Variants in FAXDC2 observed in about 807,000 individuals in gnomAD.
FAXDC2 encodes fatty acid hydroxylase domain-containing protein 2.
In FAXDC2, 41 loss-of-function variants were observed where a neutral mutation model predicts 40.9. That is an observed-to-expected ratio of 1.00 (90% CI 0.78 to 1.30). FAXDC2 has a LOEUF of 1.30. Among genes scored for constraint, FAXDC2 ranks in the 50% most tolerant of loss-of-function variants. The pLI is 0.00. For missense variants in FAXDC2, 390 were observed against 408.8 expected, an observed-to-expected ratio of 0.95 and a Z score of 0.40; for synonymous variants, 157 against 149.3, an observed-to-expected ratio of 1.05 and a Z score of -0.38.
chr5:154,841,362 G>T (rs915983535), intron 1 of FAXDC2, among the ~76,000 whole-genome samples: 3 of 152,122 alleles, frequency 2.0e-5, no homozygotes, highest in Admixed American at 6.5e-5. Flanking sequence ...TTCACTCCAG[G>T]TTCTGATACT....
intron 1 of FAXDC2, among the ~76,000 whole-genome samples, chr5:154,846,268 TAGTGTGTG>T (rs1199122014): frequency 5.2e-4 from 62 of 118,284 alleles, no homozygotes; most frequent in African/African-American, 1.9e-3. Context: ...GTGAACTAGA[TAGTGTGTG>T]TGTGTGTGTG....
intron 5 of FAXDC2, chr5:154,824,005 C>A: frequency 4.3e-6 from 1 of 234,888 alleles, no homozygotes; most frequent in Non-Finnish European, 8.4e-6. Flanking sequence ...ATCAGAGAAC[C>A]TTGTTCATGA....
At chr5:154,830,425 C>T (rs1474581604) in intron 5 of FAXDC2, 2 of 182,472 alleles carry the variant, frequency 1.1e-5, no homozygotes, top group African/African-American at 4.6e-5. Flanking sequence ...CAGCTGTCTC[C>T]CTCTCTCATA....
At chr5:154,826,249 C>T (rs937413466) in intron 5 of FAXDC2, among the ~76,000 whole-genome samples, 88 of 151,908 alleles carry the variant, frequency 5.8e-4, no homozygotes, top group Non-Finnish European at 3.8e-4. Flanking sequence ...GATGGGGAGC[C>T]GGGCGCGGTG....
intron 1 of FAXDC2, among the ~76,000 whole-genome samples, chr5:154,848,020 T>C (rs1760641890): frequency 1.3e-5 from 2 of 151,990 alleles, no homozygotes; most frequent in Admixed American, 6.6e-5. Context: ...TTTGTATTTT[T>C]AGTAGAGACA....
At chr5:154,824,027 G>A (rs544207938) in intron 5 of FAXDC2, 26 of 226,578 alleles carry the variant, frequency 1.1e-4, no homozygotes, top group African/African-American at 5.6e-4. Context: ...TGGATGCAGA[G>A]ATCAAGATCA....
intron 5 of FAXDC2, among the ~76,000 whole-genome samples, chr5:154,827,816 A>C (rs1215631490): frequency 6.6e-6 from 1 of 151,904 alleles, no homozygotes; most frequent in Admixed American, 6.6e-5. Context: ...ACAAAGTGGT[A>C]GGATTACAGG....
Position 154,818,583 on chromosome 5 carries a change from T to C in FAXDC2, c.*1733A>G, listed in dbSNP as rs992036603. ...TTCAGCCTTAACTTGTATACCAACC[T>C]CAAGGATTTTGTTTGATACAGAAAA... On this transcript the variant is annotated 3_prime_UTR_variant, in exon 9 of 9. Coordinates refer to ENST00000326080, the MANE Select transcript of FAXDC2 (RefSeq NM_032385.5). 4 of 152,200 alleles carry C rather than the reference T, an allele frequency of 2.6e-5. No individual in the cohort carries two copies. The highest frequency in any genetic ancestry group is 9.6e-5 in the African/African-American group (4 of 41,452). 9.4% of individuals were successfully genotyped at this position (152,200 alleles called of 1,614,324 possible). A position where few individuals can be genotyped will look rare whatever the true frequency, so the allele number is the denominator to read the frequency against.
chr5:154,846,269 AGTGTGTGTGTGTGT>A (rs10674936), intron 1 of FAXDC2, among the ~76,000 whole-genome samples: 5 of 147,346 alleles, frequency 3.4e-5, no homozygotes, highest in Non-Finnish European at 6.0e-5. Flanking sequence ...TGAACTAGAT[AGTGTGTGTGTGTGT>A]GTGTGTGTGT....
intron 5 of FAXDC2, among the ~76,000 whole-genome samples, chr5:154,828,293 T>G (rs1342834286): frequency 2.0e-5 from 3 of 151,762 alleles, no homozygotes; most frequent in Non-Finnish European, 4.4e-5. Flanking sequence ...CTTGGTGGGG[T>G]TTTTTTTGTT....
At chr5:154,827,308 A>G (rs892532153) in intron 5 of FAXDC2, among the ~76,000 whole-genome samples, 5 of 151,236 alleles carry the variant, frequency 3.3e-5, no homozygotes, top group African/African-American at 9.7e-5. Flanking sequence ...ACTGTCTCAA[A>G]AAAAAAAAAA....
chr5:154,824,949 G>A (rs1759984350), intron 5 of FAXDC2, among the ~76,000 whole-genome samples: 1 of 151,572 alleles, frequency 6.6e-6, no homozygotes, highest in Admixed American at 6.6e-5. Flanking sequence ...TGGATGTGGT[G>A]GTGTGCACCT....
chr5:154,838,236 T>C, intron 1 of FAXDC2, 58 bp from the exon 2 acceptor site: 1 of 1,555,196 alleles, frequency 6.4e-7, no homozygotes, highest in Non-Finnish European at 8.8e-7. Context: ...TCTAAGGAAG[T>C]AGGGAGTGGA....
At chr5:154,825,526 G>A (rs368671951) in intron 5 of FAXDC2, among the ~76,000 whole-genome samples, 1 of 147,540 alleles carries the variant, frequency 6.8e-6, no homozygotes, top group South Asian at 2.1e-4. Context: ...GCATGGTAGT[G>A]TGCGCCTGTA....
chr5:154,822,728 C>A (rs878934932), intron 6 of FAXDC2, 151 bp from the exon 7 acceptor site: 21 of 647,718 alleles, frequency 3.2e-5, no homozygotes, highest in South Asian at 3.1e-4. Flanking sequence ...AACCCCAGCC[C>A]TTATACTGCA....
chr5:154,847,528 C>T lies in FAXDC2; in HGVS notation c.-1+2955G>A, dbSNP rs1334020456. On this transcript the variant is annotated intron_variant, in intron 1 of 8. Coordinates refer to ENST00000326080, the MANE Select transcript of FAXDC2 (RefSeq NM_032385.5). ...TTGAGATGGAGTCTCGCTCATGTTG[C>T]GCAGGCTGGAGTGCAATGGCATGAC... Among the ~76,000 whole-genome samples the T allele has an allele frequency of 6.5e-5, 9 of 138,582 alleles. No individual in the cohort carries two copies. In the South Asian group the frequency reaches 8.9e-4, roughly 14 times the overall value. The allele number at this position is 138,582 out of a possible 152,430, so 90.9% of individuals were successfully genotyped here.
At chr5:154,842,138 TA>T (rs1442923482) in intron 1 of FAXDC2, among the ~76,000 whole-genome samples, 1 of 152,164 alleles carries the variant, frequency 6.6e-6, no homozygotes, top group Non-Finnish European at 1.5e-5. Context: ...CTTTTAGGGC[TA>T]AACCTATCAA....
chr5:154,820,199 C>T lies in FAXDC2; in HGVS notation c.*117G>A. On this transcript the variant is annotated 3_prime_UTR_variant, in exon 9 of 9. Transcript: ENST00000326080. ...CCGGGAAGCCGACCTTCCCTCTACC[C>T]TGGTGGTGCCATCATTAGGGCGTGT... is the stretch of plus-strand genomic sequence containing the variant. 1 of 818,058 alleles carries T rather than the reference C, an allele frequency of 1.2e-6. No homozygotes were observed. Among genetic ancestry groups the T allele is most frequent in the Non-Finnish European group, 1.9e-6 (1 of 514,572 alleles). The allele number at this position is 818,058 out of a possible 1,614,324, so 50.7% of individuals were successfully genotyped here.
chr5:154,823,217 T>C, intron 6 of FAXDC2, 170 bp downstream of exon 6: 1 of 616,290 alleles, frequency 1.6e-6, no homozygotes, highest in Non-Finnish European at 2.9e-6. Context: ...TCTCCTGACA[T>C]TCCCCAGGCT....
Sources: allele counts gnomAD v4.1 joint callset (sites outside exome capture counted in the v4.1 genomes callset), GRCh38; gene constraint gnomAD v4.1.1; transcripts MANE v1.5; gene names NCBI Gene and HGNC (gene_info 2026-07-23, HGNC 2026-07-21).